The following ANO3 variants were observed in gnomAD, a reference collection of about 807,000 sequenced individuals.
The protein encoded by ANO3 is anoctamin-3.
In ANO3, 99 loss-of-function variants were observed where a neutral mutation model predicts 144.8. That is an observed-to-expected ratio of 0.68 (90% CI 0.58 to 0.81). The LOEUF (loss-of-function observed/expected upper bound fraction) is 0.81, where lower values mean the gene tolerates loss of function less well. ANO3 is among the 30% of genes least tolerant of loss of function. ANO3 has a pLI of 0.00. For synonymous variants in ANO3, 414 were observed against 392.6 expected (o/e 1.05, Z -0.64); for missense variants, 905 against 1,202.2 (o/e 0.75, Z 3.66).
intron 18 of ANO3, among the ~76,000 whole-genome samples, chr11:26,631,718 T>C (rs1358616212): frequency 3.3e-5 from 5 of 152,220 alleles, no homozygotes; most frequent in Non-Finnish European, 7.4e-5. Context: ...ATCAGGTTAA[T>C]ATTAGGGAAA....
chr11:26,534,225 G>A (rs991015483), intron 8 of ANO3, among the ~76,000 whole-genome samples: 4 of 152,222 alleles, frequency 2.6e-5, no homozygotes, highest in African/African-American at 4.8e-5. Context: ...CTTGTTCCAT[G>A]TGAAATAAGA....
At chr11:26,538,660 G>A (rs1404775306) in intron 10 of ANO3, among the ~76,000 whole-genome samples, 1 of 152,126 alleles carries the variant, frequency 6.6e-6, no homozygotes, top group African/African-American at 2.4e-5. Flanking sequence ...AGTTCTGAAA[G>A]TTCATTTGAC....
intron 20 of ANO3, among the ~76,000 whole-genome samples, chr11:26,635,312 C>A (rs1852920149): frequency 6.6e-6 from 1 of 151,690 alleles, no homozygotes; most frequent in South Asian, 2.1e-4. Flanking sequence ...ATTTACAGAC[C>A]CCAGGAATTT....
rs118075276 is a variant in ANO3 at position 26,591,828 on chromosome 11, C to G, written c.1448-6537C>G. On this transcript the variant is annotated intron_variant, in intron 14 of 26. Transcript: ENST00000256737. Reference sequence around the variant, plus strand: ...TCACAGGAATACCCAGCATTGTCTCCTGGATTTTCGGGCTCCTTTGGCAGT... The same window carrying G: ...TCACAGGAATACCCAGCATTGTCTCGTGGATTTTCGGGCTCCTTTGGCAGT... 4.3e-4 allele frequency among the ~76,000 whole-genome samples: 65 copies of G among 152,300 alleles called. No homozygotes were observed. In the East Asian group the frequency reaches 9.9e-3, roughly 23 times the overall value.
intron 1 of ANO3, among the ~76,000 whole-genome samples, chr11:26,249,005 C>G (rs1852863709): frequency 2.0e-5 from 3 of 152,174 alleles, no homozygotes. Flanking sequence ...GAAATATCGT[C>G]TTCCACAAAA....
chr11:26,307,035 G>T (rs2133867512), upstream of ANO3, among the ~76,000 whole-genome samples: 1 of 152,058 alleles, frequency 6.6e-6, no homozygotes, highest in Admixed American at 6.6e-5. Context: ...ATAAATGTTA[G>T]ATTAATTTTC....
rs1743522877 is a variant in ANO3, at chr11:26,639,176, C to T, written c.2076C>T (p.Cys692=). 1.9e-6 allele frequency: 3 copies of T among 1,613,290 alleles called. No homozygotes were observed. Among genetic ancestry groups the T allele is most frequent in the Non-Finnish European group, 8.5e-7 (1 of 1,179,392 alleles). Residue 692 remains cysteine, a synonymous_variant, in exon 21 of 27, where the codon TGC becomes TGT. Transcript: ENST00000256737. ...CTAGTGGCTGTTTGATAGACCTCTG[C>T]CTCCAGATGGGTGTCATCATGTTTT... is the stretch of plus-strand genomic sequence containing the variant. The part of the protein sequence containing the change: ...CHPSGCLIDL[C]LQMGVIMFLK...
In ANO3 at chr11:26,319,166, G is replaced by A. The variant is rs369178561; in HGVS notation, c.-3+9447G>A. ...TAACATTATTATTATTATTATTATCGTTATTATTATTTTGTAGAGACAGGG... is the reference window on the plus strand; with the variant it reads ...TAACATTATTATTATTATTATTATCATTATTATTATTTTGTAGAGACAGGG... On this transcript the variant is annotated intron_variant, in intron 1 of 26. Transcript: ENST00000525139. Among the ~76,000 whole-genome samples, 765 of 140,582 alleles carry A rather than the reference G, an allele frequency of 5.4e-3. 4 individuals are homozygous for A. The highest frequency in any genetic ancestry group is 8.8e-3 in the Non-Finnish European group (577 of 65,600). 92.2% of individuals were successfully genotyped at this position (140,582 alleles called of 152,430 possible).
intron 9 of ANO3, among the ~76,000 whole-genome samples, chr11:26,535,604 A>AGG: frequency 1.4e-5 from 1 of 70,976 alleles, no homozygotes; most frequent in Admixed American, 2.5e-4. Context: ...TTTTTTTCAG[A>AGG]TGGAGTCTTG....
intron 14 of ANO3, among the ~76,000 whole-genome samples, chr11:26,563,938 G>T (rs1850406837): frequency 6.6e-6 from 1 of 151,756 alleles, no homozygotes; most frequent in South Asian, 2.1e-4. Flanking sequence ...AATGTTCTCT[G>T]AACTGAAATT....
chr11:26,611,946 T>C (rs1167960963), intron 17 of ANO3, among the ~76,000 whole-genome samples: 1 of 152,184 alleles, frequency 6.6e-6, no homozygotes, highest in Non-Finnish European at 1.5e-5. Context: ...TTGGTTTGCA[T>C]TTGCATGGAA....
chr11:26,318,915 C>A (rs930010004), intron 1 of ANO3, among the ~76,000 whole-genome samples: 6 of 152,080 alleles, frequency 3.9e-5, no homozygotes, highest in African/African-American at 7.2e-5. Flanking sequence ...CATAATTTTA[C>A]ACAAGTGTGT....
chr11:26,650,134 C>G (rs777882420), intron 24 of ANO3, among the ~76,000 whole-genome samples: 1 of 152,140 alleles, frequency 6.6e-6, no homozygotes, highest in Non-Finnish European at 1.5e-5. Flanking sequence ...TACAGTGACA[C>G]CACACATTCA....
rs527361527 is a variant in ANO3, at chr11:26,214,495, G to A, written c.154+25165G>A. ...TAATCAACAGTATTTGGACATGTAC[G>A]GCTGAATTCAGATCCCCAATATCAG... On this transcript the variant is annotated intron_variant, in intron 1 of 27. Transcript: ENST00000672621. Among the ~76,000 whole-genome samples, 118 of 151,940 alleles carry A rather than the reference G, an allele frequency of 7.8e-4. 1 individual carries two copies. Among genetic ancestry groups the A allele is most frequent in the Middle Eastern group, 3.4e-3 (1 of 294 alleles).
At chr11:26,452,598 A>G (rs1165560700) in intron 3 of ANO3, among the ~76,000 whole-genome samples, 2 of 152,178 alleles carry the variant, frequency 1.3e-5, no homozygotes, top group Non-Finnish European at 1.5e-5. Flanking sequence ...CCAAATCTAC[A>G]TCTGATTGGT....
At position 26,418,882 on chromosome 11, in the gene ANO3, T is replaced by G. The variant is rs572166439; in HGVS notation, c.47-23036T>G. Among the ~76,000 whole-genome samples, 3 of 152,238 alleles carry G rather than the reference T, an allele frequency of 2.0e-5. No homozygotes were observed. In the South Asian group the frequency reaches 6.2e-4, roughly 32 times the overall value. ...AATTGCCAGAATTCCTCCAGTGATCTACACTTGGACTAATACAGAAAACTG... is the reference window on the plus strand; with the variant it reads ...AATTGCCAGAATTCCTCCAGTGATCGACACTTGGACTAATACAGAAAACTG... On this transcript the variant is annotated intron_variant, in intron 1 of 26. Transcript: ENST00000256737.
At chr11:26,600,885 CT>C (rs1851784051) in intron 17 of ANO3, among the ~76,000 whole-genome samples, 1 of 151,914 alleles carries the variant, frequency 6.6e-6, no homozygotes, top group African/African-American at 2.4e-5. Context: ...AAGAAAGCAC[CT>C]TTTTGTTTCA....
At chr11:26,233,398 T>C (rs1360355631) in intron 1 of ANO3, among the ~76,000 whole-genome samples, 1 of 152,100 alleles carries the variant, frequency 6.6e-6, no homozygotes, top group Non-Finnish European at 1.5e-5. Flanking sequence ...TGAGATACCA[T>C]CTCATACCAC....
chr11:26,662,314 T>TC lies in ANO3; in HGVS notation c.*1878dup, dbSNP rs57154389. On this transcript the variant is annotated 3_prime_UTR_variant, in exon 27 of 27. Coordinates refer to ENST00000256737, the MANE Select transcript of ANO3 (RefSeq NM_031418.4). ...TCAGATTCCAGAGAGGTTCTCATGC[T>TC]CCCCCCCCTCCTTATTTGTAGCAAT... 0.23 allele frequency: 33,921 copies of TC among 149,830 alleles called. 3,920 individuals carry two copies. Among genetic ancestry groups the TC allele is most frequent in the East Asian group, 0.36 (1,814 of 5,104 alleles). 9.3% of individuals were successfully genotyped at this position (149,830 alleles called of 1,614,324 possible). A position where few individuals can be genotyped will look rare whatever the true frequency, so the allele number is the denominator to read the frequency against.
Sources: gnomAD v4.1 joint callset for allele counts (sites outside exome capture counted in the v4.1 genomes callset) on GRCh38, gnomAD v4.1.1 for gene constraint, MANE v1.5 for transcripts, NCBI Gene and HGNC (gene_info 2026-07-23, HGNC 2026-07-21) for gene names.